Variants in GDAP1 observed in about 807,000 individuals in gnomAD.
GDAP1 encodes ganglioside-induced differentiation-associated protein 1.
Under a neutral mutation model 40.1 loss-of-function variants are expected in GDAP1, and 34 were observed. The ratio of observed to expected loss-of-function variants is 0.85; its 90% CI spans 0.64 to 1.13. The LOEUF (loss-of-function observed/expected upper bound fraction) is 1.13, where lower values mean the gene tolerates loss of function less well. Among genes scored for constraint, GDAP1 ranks in the 50% most tolerant of loss-of-function variants. The pLI, the probability that GDAP1 is intolerant of heterozygous loss-of-function variation, is 0.00. For synonymous variants in GDAP1, 170 were observed against 157.4 expected, an observed-to-expected ratio of 1.08 and a Z score of -0.60; for missense variants, 374 against 433.7, an observed-to-expected ratio of 0.86 and a Z score of 1.22.
chr8:74,431,527 G>A (rs917571866), intron 2 of GDAP1, among the ~76,000 whole-genome samples: 8 of 151,894 alleles, frequency 5.3e-5, no homozygotes, highest in African/African-American at 1.9e-4. Context: ...TGTCACCCAG[G>A]CTGGAGCACA....
intron 2 of GDAP1, among the ~76,000 whole-genome samples, chr8:74,389,142 G>A (rs144322769): frequency 1.0e-3 from 152 of 152,210 alleles, no homozygotes; most frequent in African/African-American, 3.5e-3. Context: ...TAATGTGCCA[G>A]TCTGTGTCTT....
chr8:74,395,156 C>T (rs1213027208), intron 2 of GDAP1, among the ~76,000 whole-genome samples: 1 of 152,084 alleles, frequency 6.6e-6, no homozygotes, highest in Non-Finnish European at 1.5e-5. Context: ...TATTGTTCAC[C>T]TTATTTTATA....
chr8:74,443,702 C>T (rs936128119), intron 2 of GDAP1, among the ~76,000 whole-genome samples: 1 of 152,164 alleles, frequency 6.6e-6, no homozygotes, highest in Non-Finnish European at 1.5e-5. Context: ...TCCAGCACCC[C>T]AGCTATGGGA....
chr8:74,383,537 C>T (rs1809984900), intron 2 of GDAP1, among the ~76,000 whole-genome samples: 1 of 152,142 alleles, frequency 6.6e-6, no homozygotes, highest in Non-Finnish European at 1.5e-5. Context: ...ACAAATATTT[C>T]CATCCTTAAT....
chr8:74,406,958 A>G lies in GDAP1; in HGVS notation c.165+55637A>G, dbSNP rs1437974194. On this transcript the variant is annotated intron_variant, in intron 2 of 2. Coordinates refer to the GDAP1 transcript ENST00000523640. ...GAATGGCTGTTAATCAGGCCCACCAAGAGTTTCTTAGGTGCTTATTCTTAG... is the reference window on the plus strand; with the variant it reads ...GAATGGCTGTTAATCAGGCCCACCAGGAGTTTCTTAGGTGCTTATTCTTAG... Among the ~76,000 whole-genome samples the G allele has an allele frequency of 1.3e-5, 2 of 149,900 alleles. 1 individual carries two copies. The highest frequency in any genetic ancestry group is 5.1e-5 in the African/African-American group (2 of 39,242).
At chr8:74,399,038 T>C (rs558726578) in intron 2 of GDAP1, among the ~76,000 whole-genome samples, 3 of 151,968 alleles carry the variant, frequency 2.0e-5, no homozygotes, top group Non-Finnish European at 4.4e-5. Flanking sequence ...TGCCCGGCTT[T>C]GGTGTCAGGA....
intron 2 of GDAP1, among the ~76,000 whole-genome samples, chr8:74,372,521 G>T (rs1809772368): frequency 6.6e-6 from 1 of 152,216 alleles, no homozygotes; most frequent in Admixed American, 6.5e-5. Context: ...AATGGCCAGT[G>T]ATGATGAGCA....
At chr8:74,468,478 T>TACAC (rs71271804) in intron 2 of GDAP1, among the ~76,000 whole-genome samples, 1,489 of 139,182 alleles carry the variant, frequency 0.011, 19 homozygotes, top group African/African-American at 0.02. Context: ...AATGACCCCA[T>TACAC]ACACACACAC....
chr8:74,387,633 C>T (rs1484185126), intron 2 of GDAP1, among the ~76,000 whole-genome samples: 12 of 151,970 alleles, frequency 7.9e-5, no homozygotes, highest in African/African-American at 1.9e-4. Flanking sequence ...GATATTAGCC[C>T]GAAATTTTCT....
Position 74,364,265 on chromosome 8 carries a change from G to T in GDAP1, c.975G>T (p.Val325=), listed in dbSNP as rs1182236533. 4 of 1,614,178 alleles carry T rather than the reference G, an allele frequency of 2.5e-6. No homozygotes were observed. Among genetic ancestry groups the T allele is most frequent in the Admixed American group, 1.7e-5 (1 of 60,026 alleles). The change falls in exon 6 of 6, where the codon GTG becomes GTT. Residue 325 remains valine, a synonymous_variant. Transcript: ENST00000220822. ...CAAAAGTTCTTGGCACGACCCTTGT[G>T]GTTGGTTTGCTTGCAGGAGTGGGAT... ...RAPKVLGTTL[V]VGLLAGVGYF...
chr8:74,422,631 C>T (rs1247144954), intron 2 of GDAP1, among the ~76,000 whole-genome samples: 6 of 151,554 alleles, frequency 4.0e-5, no homozygotes, highest in Non-Finnish European at 1.5e-5. Context: ...AAGCACTTTC[C>T]CCCAAGGTCT....
At chr8:74,433,758 C>T (rs370679231) in intron 2 of GDAP1, among the ~76,000 whole-genome samples, 3 of 152,108 alleles carry the variant, frequency 2.0e-5, no homozygotes, top group Admixed American at 1.3e-4. Context: ...TGCCACATCC[C>T]GAAGAGAGTA....
chr8:74,380,212 C>T (rs1809926112), intron 2 of GDAP1, among the ~76,000 whole-genome samples: 1 of 152,068 alleles, frequency 6.6e-6, no homozygotes, highest in South Asian at 2.1e-4. Context: ...GAAACAAAAG[C>T]CCACAAGTAC....
chr8:74,433,069 A>T (rs559306810), intron 2 of GDAP1, among the ~76,000 whole-genome samples: 1 of 152,126 alleles, frequency 6.6e-6, no homozygotes, highest in East Asian at 1.9e-4. Context: ...CAGCTGTCCC[A>T]TTTGTCTGCA....
chr8:74,407,962 G>A (rs1805662205), intron 2 of GDAP1, among the ~76,000 whole-genome samples: 1 of 149,168 alleles, frequency 6.7e-6, no homozygotes, highest in Non-Finnish European at 1.5e-5. Flanking sequence ...ACACCAAATT[G>A]CAAGTCTAAA....
intron 2 of GDAP1, among the ~76,000 whole-genome samples, chr8:74,471,194 G>T (rs1474877228): frequency 6.6e-6 from 1 of 151,982 alleles, no homozygotes; most frequent in African/African-American, 2.4e-5. Flanking sequence ...CCATTTTGTA[G>T]GTTGCCTGTT....
chr8:74,433,032 G>A (rs1305583613), intron 2 of GDAP1, among the ~76,000 whole-genome samples: 1 of 152,082 alleles, frequency 6.6e-6, no homozygotes, highest in Non-Finnish European at 1.5e-5. Flanking sequence ...ATATTCTTCA[G>A]TAAACTCAGC....
intron 2 of GDAP1, among the ~76,000 whole-genome samples, chr8:74,482,127 G>A (rs891597121): frequency 6.8e-6 from 1 of 147,166 alleles, no homozygotes; most frequent in Non-Finnish European, 1.5e-5. Flanking sequence ...TTTGGGGGGG[G>A]GGGGTCATCT....
At chr8:74,405,466 G>T (rs1033182790) in intron 2 of GDAP1, among the ~76,000 whole-genome samples, 8 of 150,074 alleles carry the variant, frequency 5.3e-5, no homozygotes, top group Non-Finnish European at 1.2e-4. Context: ...TCTGAAGGTG[G>T]TTGCATCAAT....
Sources: allele counts gnomAD v4.1 joint callset (sites outside exome capture counted in the v4.1 genomes callset), GRCh38; gene constraint gnomAD v4.1.1; transcripts MANE v1.5; gene names NCBI Gene and HGNC (gene_info 2026-07-23, HGNC 2026-07-21).